The following LRRC75A variants were observed in gnomAD, a reference collection of about 807,000 sequenced individuals.
LRRC75A encodes the protein leucine rich repeat containing 75A.
In LRRC75A, 12 loss-of-function variants were observed where a neutral mutation model predicts 26.0. That is an observed-to-expected ratio of 0.46 (90% CI 0.30 to 0.75). The LOEUF (loss-of-function observed/expected upper bound fraction) is 0.75. LRRC75A is among the 30% of genes least tolerant of loss of function. The probability of loss-of-function intolerance (pLI) is 0.08; values close to 1 mark genes in which losing one functional copy is unlikely to be tolerated. For missense variants in LRRC75A, 410 were observed against 486.6 expected, an observed-to-expected ratio of 0.84 and a Z score of 1.48; for synonymous variants, 223 against 219.3, an observed-to-expected ratio of 1.02 and a Z score of -0.15.
At chr17:16,447,021 C>G (rs2093592127) in intron 3 of LRRC75A, 1 of 268,250 alleles carries the variant, frequency 3.7e-6, no homozygotes. Context: ...CCTTCCCCAG[C>G]CTGCAGGGAC....
At chr17:16,466,986 C>A (rs754910828) in intron 1 of LRRC75A, among the ~76,000 whole-genome samples, 7 of 151,824 alleles carry the variant, frequency 4.6e-5, no homozygotes, top group African/African-American at 1.5e-4. Context: ...ATTAAAACAA[C>A]CTGTCGCAAG....
intron 1 of LRRC75A, among the ~76,000 whole-genome samples, chr17:16,478,959 G>T (rs552882819): frequency 6.6e-6 from 1 of 152,358 alleles, no homozygotes; most frequent in African/African-American, 2.4e-5. Flanking sequence ...CGGGGTGGGA[G>T]CACTCAGACC....
chr17:16,481,378 T>C (rs1306698466), intron 1 of LRRC75A, among the ~76,000 whole-genome samples: 1 of 152,154 alleles, frequency 6.6e-6, no homozygotes, highest in East Asian at 1.9e-4. Flanking sequence ...CAACTGTAGG[T>C]GTTTATACAT....
intron 2 of LRRC75A, among the ~76,000 whole-genome samples, chr17:16,460,684 G>T (rs2093721181): frequency 6.6e-6 from 1 of 152,374 alleles, no homozygotes; most frequent in South Asian, 2.1e-4. Context: ...ACCTTGCTCA[G>T]ATCACTTGAT....
At chr17:16,453,319 C>T (rs1476301395) in intron 2 of LRRC75A, among the ~76,000 whole-genome samples, 2 of 76,474 alleles carry the variant, frequency 2.6e-5, no homozygotes, top group South Asian at 3.4e-4. Flanking sequence ...CACGCACACA[C>T]GCACACACGC....
chr17:16,491,633 T>TGGGCGGTGCCCCTCGGTGCCCCC lies in LRRC75A; in HGVS notation c.246+89_246+111dup, dbSNP rs2093857480. The TGGGCGGTGCCCCTCGGTGCCCCC allele has an allele frequency of 5.1e-6, 4 of 777,528 alleles. No individual in the cohort carries two copies. The highest frequency in any genetic ancestry group is 1.8e-5 in the African/African-American group (1 of 54,500). 48.2% of individuals were successfully genotyped at this position (777,528 alleles called of 1,614,324 possible). A position where few individuals can be genotyped will look rare whatever the true frequency, so the allele number is the denominator to read the frequency against. On this transcript the variant is annotated intron_variant, in intron 1 of 3. Transcript: ENST00000470794. This position sits in a 1 kb window ranked among gnomAD's most constrained non-coding sequence, Gnocchi z 5.9. ...GCTCCATCCCCGCGGAAGGGGCCCCTGGGCGGTGCCCCTCGGTGCCCCCGG... is the reference window on the plus strand; with the variant it reads ...GCTCCATCCCCGCGGAAGGGGCCCCTGGGCGGTGCCCCTCGGTGCCCCCGGGCGGTGCCCCTCGGTGCCCCCGG...
chr17:16,474,258 GAGA>G (rs1411517246), intron 1 of LRRC75A, among the ~76,000 whole-genome samples: 1 of 152,176 alleles, frequency 6.6e-6, no homozygotes, highest in Non-Finnish European at 1.5e-5. Flanking sequence ...ACCTACAAAT[GAGA>G]AGGTTGCACC....
At chr17:16,479,231 T>C (rs1449507558) in intron 1 of LRRC75A, among the ~76,000 whole-genome samples, 2 of 152,224 alleles carry the variant, frequency 1.3e-5, no homozygotes, top group Non-Finnish European at 2.9e-5. Context: ...TAGCTGGAAC[T>C]TTCTAGAAGA....
chr17:16,480,624 C>T (rs552739246), intron 1 of LRRC75A, among the ~76,000 whole-genome samples: 5 of 129,430 alleles, frequency 3.9e-5, no homozygotes, highest in African/African-American at 1.0e-4. Flanking sequence ...AGCGAGACTT[C>T]GTCTCAAAAA....
At chr17:16,489,885 C>T (rs766423733) in intron 1 of LRRC75A, among the ~76,000 whole-genome samples, 2 of 151,838 alleles carry the variant, frequency 1.3e-5, no homozygotes, top group African/African-American at 2.4e-5. Flanking sequence ...CATCAGCCCT[C>T]CCAGTCCTGC....
chr17:16,484,748 C>T (rs556054101), intron 1 of LRRC75A, among the ~76,000 whole-genome samples: 3 of 152,212 alleles, frequency 2.0e-5, no homozygotes, highest in African/African-American at 7.2e-5. Flanking sequence ...CAGAAAGACA[C>T]GCGGACACTG....
intron 2 of LRRC75A, among the ~76,000 whole-genome samples, chr17:16,453,218 G>A (rs983236991): frequency 6.6e-6 from 1 of 152,108 alleles, no homozygotes; most frequent in African/African-American, 2.4e-5. Flanking sequence ...GAACCCGGGA[G>A]GTGGAGGTTG....
chr17:16,445,157 CATTTTTTTTTT>C (rs2093571778), intron 3 of LRRC75A, among the ~76,000 whole-genome samples: 2 of 91,568 alleles, frequency 2.2e-5, no homozygotes, highest in African/African-American at 8.0e-5. Flanking sequence ...CCATTTTCTG[CATTTTTTTTTT>C]TTTTTTTTTT....
intron 1 of LRRC75A, among the ~76,000 whole-genome samples, chr17:16,485,202 T>G (rs2093843660): frequency 6.6e-6 from 1 of 152,246 alleles, no homozygotes; most frequent in East Asian, 1.9e-4. Context: ...TCCATTCCAG[T>G]TTCTCTTAAT....
chr17:16,453,314 ACACACGCACACACG>A lies in LRRC75A; in HGVS notation c.376-5368_376-5355del, dbSNP rs1305203577. Among the ~76,000 whole-genome samples the A allele has an allele frequency of 2.5e-3, 252 of 100,480 alleles. 1 individual carries two copies. The highest frequency in any genetic ancestry group is 0.025 in the East Asian group (122 of 4,898). 65.9% of individuals were successfully genotyped at this position (100,480 alleles called of 152,430 possible). On this transcript the variant is annotated intron_variant, in intron 2 of 3. Coordinates refer to ENST00000470794, the MANE Select transcript of LRRC75A (RefSeq NM_001113567.3). ...GACTCCTAAACACACACACACACGC[ACACACGCACACACG>A]CACACGCACACACGCACACGCACAC...
rs998380736 is a variant in LRRC75A at position 16,471,297 on chromosome 17, C to T, written c.247-8911G>A. 3.3e-5 allele frequency among the ~76,000 whole-genome samples: 5 copies of T among 152,156 alleles called. No individual in the cohort carries two copies. The South Asian group carries it at 6.2e-4, about 19-fold the overall frequency. ...AATCTCTGGATGGACACGGCCCTGC[C>T]GACACTCTCATCTCAGACTTCTGGC... On this transcript the variant is annotated intron_variant, in intron 1 of 3. Transcript: ENST00000470794.
intron 1 of LRRC75A, among the ~76,000 whole-genome samples, chr17:16,468,024 C>T (rs2093782622): frequency 6.6e-6 from 1 of 152,190 alleles, no homozygotes; most frequent in Non-Finnish European, 1.5e-5. Context: ...CAATCCAGTT[C>T]TCAGATCCAA....
At chr17:16,454,924 T>C (rs935255039) in intron 2 of LRRC75A, among the ~76,000 whole-genome samples, 1 of 151,368 alleles carries the variant, frequency 6.6e-6, no homozygotes, top group African/African-American at 2.4e-5. Flanking sequence ...TTTCTTTTCT[T>C]TTCTTTTCTT....
At chr17:16,482,203 G>C (rs1024357293) in intron 1 of LRRC75A, among the ~76,000 whole-genome samples, 52 of 152,290 alleles carry the variant, frequency 3.4e-4, no homozygotes, top group African/African-American at 1.2e-3. Flanking sequence ...GGGGTGGGAT[G>C]GGGGGCATCA....
Sources: allele counts gnomAD v4.1 joint callset (sites outside exome capture counted in the v4.1 genomes callset), GRCh38; gene constraint gnomAD v4.1.1; non-coding constraint Gnocchi (gnomAD v3.1); transcripts MANE v1.5; gene names NCBI Gene and HGNC (gene_info 2026-07-23, HGNC 2026-07-21).